Variants in DGKZ observed in about 807,000 individuals in gnomAD.
The protein encoded by DGKZ is DAG kinase zeta.
DGKZ carries 45 observed loss-of-function variants against 142.5 expected under a neutral mutation model. That is an observed-to-expected ratio of 0.32 (90% CI 0.25 to 0.40). The LOEUF is 0.40. Among genes scored for constraint, DGKZ ranks in the 10% least tolerant of loss-of-function variants. The pLI is 1.00. For missense variants in DGKZ, 755 were observed against 1,306.5 expected, an observed-to-expected ratio of 0.58 and a Z score of 6.51; for synonymous variants, 442 against 527.0, an observed-to-expected ratio of 0.84 and a Z score of 2.21.
At chr11:46,333,971 C>T (rs1939888533) in intron 1 of DGKZ, among the ~76,000 whole-genome samples, 1 of 152,142 alleles carries the variant, frequency 6.6e-6, no homozygotes, top group Admixed American at 6.5e-5. Flanking sequence ...AACAGAATTC[C>T]CTCCTGAACC....
intron 1 of DGKZ, chr11:46,361,661 G>A (rs913542158): frequency 9.1e-6 from 9 of 985,492 alleles, no homozygotes; most frequent in African/African-American, 1.7e-5. Context: ...CCAGAGCCCG[G>A]CCTTGGGGAC....
rs746883917 is a variant in DGKZ, at chr11:46,376,353, C to G, written c.2117C>G (p.Ser706Cys). Reference sequence around the variant, plus strand: ...GAGCCCGATGGTGCTGGAGCCAAGTCCCCGACATGCCAGAAACTGTCCCCC... The same window carrying G: ...GAGCCCGATGGTGCTGGAGCCAAGTGCCCGACATGCCAGAAACTGTCCCCC... Residue 706 changes from serine to cysteine, a missense_variant, in exon 23 of 31, where the codon TCC (serine) becomes TGC (cysteine). Ser to Cys is a moderately radical substitution (Grantham distance 112, BLOSUM62 -1). Transcript: ENST00000527911. 7 of 1,614,100 alleles carry G rather than the reference C, an allele frequency of 4.3e-6. No homozygotes were observed. In the South Asian group the frequency reaches 7.7e-5, roughly 18 times the overall value.
At chr11:46,353,911 G>A (rs544351433) in intron 1 of DGKZ, among the ~76,000 whole-genome samples, 34 of 152,320 alleles carry the variant, frequency 2.2e-4, no homozygotes, top group African/African-American at 7.5e-4. Context: ...CCAGCATCTC[G>A]CGGGTTAACA....
Position 46,372,526 on chromosome 11 carries a change from G to C in DGKZ, c.1010+16G>C. The C allele has an allele frequency of 6.2e-7, 1 of 1,614,034 alleles. No individual in the cohort carries two copies. Among genetic ancestry groups the C allele is most frequent in the Non-Finnish European group, 8.5e-7 (1 of 1,180,016 alleles). On this transcript the variant is annotated intron_variant, in intron 11 of 30. Coordinates refer to ENST00000527911, the Ensembl canonical transcript of DGKZ. This position sits in a 1 kb window ranked among gnomAD's most constrained non-coding sequence, Gnocchi z 5.9. ...CCAAGGAGGCGTAAGTACTTGCCAA[G>C]GTTTTGTGGGGGACATGGGGGGGAA...
chr11:46,346,241 C>T (rs1254775051), upstream of DGKZ, among the ~76,000 whole-genome samples: 3 of 152,180 alleles, frequency 2.0e-5, no homozygotes, highest in African/African-American at 7.2e-5. Context: ...GCTGCCAGAA[C>T]CCAAGAGGGG....
Position 46,348,772 on chromosome 11 carries a change from C to T in DGKZ, c.161+952C>T, listed in dbSNP as rs1442347322. On this transcript the variant is annotated intron_variant, in intron 1 of 30. Transcript: ENST00000527911. ...GGTGTAAGGTAAGGGACGTGAGGCC[C>T]CAGGAGTACCTGACCTGGCTCCCTG... Among the ~76,000 whole-genome samples the T allele has an allele frequency of 2.0e-5, 3 of 152,310 alleles. No individual in the cohort carries two copies. In the East Asian group the frequency reaches 5.8e-4, roughly 29 times the overall value.
rs1944082658 is a variant in DGKZ at position 46,372,666 on chromosome 11, G to C, written c.1060G>C (p.Gly354Arg). 1.2e-6 allele frequency: 2 copies of C among 1,613,432 alleles called. No individual in the cohort carries two copies. Among genetic ancestry groups the C allele is most frequent in the Non-Finnish European group, 1.7e-6 (2 of 1,179,952 alleles). ...CAACCTGCGGATCCTGGCGTGCGGG[G>C]GCGACGGCACGGTGAGCTCCCCGCA... Residue 354 changes from glycine to arginine, a missense_variant, in exon 12 of 31, where the codon GGC (glycine) becomes CGC (arginine). Around this residue, in one of 8 missense-constraint regions of DGKZ, gnomAD observed 191 missense variants for 472.1 expected, o/e 0.40. Transcript: ENST00000527911. The surrounding 1 kb of genome is among the most constrained non-coding windows in gnomAD (Gnocchi z 5.9).
exon 19 of DGKZ, chr11:46,374,956 T>C: frequency 3.1e-6 from 5 of 1,610,460 alleles, no homozygotes; most frequent in Non-Finnish European, 4.2e-6. Context: ...CACCATGCCC[T>C]GGGGCCACCC....
intron 30 of DGKZ, 69 bp downstream of exon 30, chr11:46,379,637 G>T (rs934900112): frequency 5.0e-6 from 7 of 1,405,220 alleles, no homozygotes; most frequent in Non-Finnish European, 6.7e-6. Context: ...CTAGGCGGGA[G>T]CTGGGGCTGG....
upstream of DGKZ, among the ~76,000 whole-genome samples, chr11:46,343,813 C>T (rs1940397512): frequency 6.6e-6 from 1 of 152,194 alleles, no homozygotes; most frequent in African/African-American, 2.4e-5. Flanking sequence ...AGGTAAGTCA[C>T]ATAGCTCACG....
intron 1 of DGKZ, among the ~76,000 whole-genome samples, chr11:46,353,611 A>G (rs1941668494): frequency 6.6e-6 from 1 of 152,216 alleles, no homozygotes; most frequent in Non-Finnish European, 1.5e-5. Flanking sequence ...CAGGGAGTCT[A>G]AAGCCCAATG....
intron 4 of DGKZ, chr11:46,368,456 C>A: frequency 2.8e-6 from 1 of 358,108 alleles, no homozygotes; most frequent in East Asian, 7.3e-5. Flanking sequence ...AGACCTTTCC[C>A]CAAGGGCCAT....
At chr11:46,334,620 A>G (rs1590363810) in intron 1 of DGKZ, among the ~76,000 whole-genome samples, 2 of 152,252 alleles carry the variant, frequency 1.3e-5, no homozygotes, top group East Asian at 3.9e-4. Context: ...AAGAAGCAAG[A>G]TGCTCAGAGC....
At chr11:46,378,655 T>C in intron 27 of DGKZ, 155 bp downstream of exon 27, 2 of 1,063,130 alleles carry the variant, frequency 1.9e-6, no homozygotes, top group Middle Eastern at 2.0e-4. Context: ...CCCATTCCAC[T>C]TCACTGTATC....
chr11:46,351,648 T>C (rs1473127950), intron 1 of DGKZ, among the ~76,000 whole-genome samples: 1 of 152,226 alleles, frequency 6.6e-6, no homozygotes, highest in African/African-American at 2.4e-5. Context: ...CCTGGGCTAA[T>C]GCTGGGAGCA....
At chr11:46,336,743 T>A (rs1040294000) in intron 1 of DGKZ, among the ~76,000 whole-genome samples, 20 of 152,164 alleles carry the variant, frequency 1.3e-4, no homozygotes, top group African/African-American at 4.6e-4. Flanking sequence ...TTTGTAGGGA[T>A]GGGGTTTCGC....
At chr11:46,361,720 C>T (rs1395207074) in intron 1 of DGKZ, 3 of 964,250 alleles carry the variant, frequency 3.1e-6, no homozygotes, top group Non-Finnish European at 3.7e-6. Context: ...AAAAGGGGCC[C>T]CCAGCCCCTC....
At chr11:46,350,911 C>G (rs1177138276) in intron 1 of DGKZ, among the ~76,000 whole-genome samples, 4 of 150,738 alleles carry the variant, frequency 2.7e-5, no homozygotes, top group Non-Finnish European at 5.9e-5. Flanking sequence ...GTGGATTCCT[C>G]CCACCCCAAC....
Position 46,372,806 on chromosome 11 carries a change from C to A in DGKZ, c.1107C>A (p.Arg369=). The change falls in exon 13 of 31, where the codon CGC becomes CGA. Residue 369 remains arginine (R), a synonymous_variant. Coordinates refer to ENST00000527911, the Ensembl canonical transcript of DGKZ. The surrounding 1 kb of genome is among the most constrained non-coding windows in gnomAD (Gnocchi z 5.9). The stretch of plus-strand genomic sequence containing the variant: ...TCCTCTCCACCCTGGACCAGCTACG[C>A]CTGAAGCCGCCACCCCCTGTTGCCA... The A allele has an allele frequency of 1.2e-6, 2 of 1,603,882 alleles. No homozygotes were observed. The highest frequency in any genetic ancestry group is 1.7e-6 in the Non-Finnish European group (2 of 1,175,490).
Sources: allele counts gnomAD v4.1 joint callset (sites outside exome capture counted in the v4.1 genomes callset), GRCh38; gene constraint gnomAD v4.1.1; regional missense constraint gnomAD v4.1.1; non-coding constraint Gnocchi (gnomAD v3.1); transcripts MANE v1.5; gene names NCBI Gene and HGNC (gene_info 2026-07-23, HGNC 2026-07-21).